ARID1B: variants seen among roughly 807,000 people sequenced by gnomAD.
ARID1B encodes AT-rich interaction domain 1B, also known as AT-rich interactive domain-containing protein 1B.
Under a neutral mutation model 212.3 loss-of-function variants are expected in ARID1B, and 30 were observed. The ratio of observed to expected loss-of-function variants is 0.14; its 90% CI spans 0.11 to 0.19. The LOEUF (loss-of-function observed/expected upper bound fraction) is 0.19. ARID1B is among the 10% of genes least tolerant of loss of function. The probability of loss-of-function intolerance (pLI) is 1.00; values close to 1 mark genes in which losing one functional copy is unlikely to be tolerated. For missense variants in ARID1B, 2,891 were observed against 3,204.0 expected, an observed-to-expected ratio of 0.90 and a Z score of 2.36; for synonymous variants, 1,402 against 1,301.7, an observed-to-expected ratio of 1.08 and a Z score of -1.66.
chr6:157,055,687 A>C (rs1325340087), intron 4 of ARID1B, among the ~76,000 whole-genome samples: 1 of 152,158 alleles, frequency 6.6e-6, no homozygotes, highest in Non-Finnish European at 1.5e-5. Flanking sequence ...ATTCTTCCTG[A>C]GTATCTCACA....
intron 2 of ARID1B, among the ~76,000 whole-genome samples, chr6:156,897,261 CTTCTTATTATTATTA>C (rs1254000564): frequency 2.2e-5 from 2 of 92,730 alleles, no homozygotes; most frequent in Admixed American, 1.1e-4. Context: ...TCTTCTTCTT[CTTCTTATTATTATTA>C]TTATTATTAT....
At chr6:156,957,791 G>A (rs762090390) in intron 4 of ARID1B, among the ~76,000 whole-genome samples, 1 of 152,110 alleles carries the variant, frequency 6.6e-6, no homozygotes, top group African/African-American at 2.4e-5. Context: ...TTTAAGGCTG[G>A]TATCCTCATT....
At chr6:157,149,076 C>T in intron 8 of ARID1B, 125 bp downstream of exon 8, 1 of 1,015,552 alleles carries the variant, frequency 9.8e-7, no homozygotes. Flanking sequence ...CTGTGCTTGG[C>T]CGTTCTTTTT....
At chr6:157,106,481 C>T (rs907254542) in intron 5 of ARID1B, among the ~76,000 whole-genome samples, 1 of 152,176 alleles carries the variant, frequency 6.6e-6, no homozygotes, top group Non-Finnish European at 1.5e-5. Flanking sequence ...GGAGGCCTCT[C>T]GTTCTTGCCT....
chr6:156,779,629 C>T (rs1779058877), intron 1 of ARID1B, 158 bp downstream of exon 1: 2 of 709,436 alleles, frequency 2.8e-6, no homozygotes, highest in African/African-American at 1.9e-5. Context: ...CCTCCCGCCG[C>T]GGTCGGGGCG....
At chr6:156,931,162 G>T (rs927945588) in intron 3 of ARID1B, among the ~76,000 whole-genome samples, 4 of 127,094 alleles carry the variant, frequency 3.1e-5, no homozygotes, top group Non-Finnish European at 6.2e-5. Context: ...CTGCACTACA[G>T]CCTGGACTAC....
In ARID1B at chr6:156,927,445, A is replaced by G. The variant is rs575754144; in HGVS notation, c.2137-8021A>G. Among the ~76,000 whole-genome samples, 20 of 152,206 alleles carry G rather than the reference A, an allele frequency of 1.3e-4. No homozygotes were observed. In the South Asian group the frequency reaches 3.5e-3, roughly 27 times the overall value. On this transcript the variant is annotated intron_variant, in intron 3 of 19. Transcript: ENST00000636930. ...ATCTGCAGGTTTTGTCAAACTCATC[A>G]TTTTTTGGGAGGTGGGATATTTTAT...
Position 157,011,993 on chromosome 6 carries a change from G to A in ARID1B, c.2248-72669G>A, listed in dbSNP as rs73581913. Among the ~76,000 whole-genome samples the A allele has an allele frequency of 7.4e-3, 1,122 of 152,308 alleles. 20 individuals are homozygous for A. The highest frequency in any genetic ancestry group is 0.025 in the African/African-American group (1,041 of 41,564). ...AGCTCATCTATAAAGAAATAGACTGGCAGTAACACCATGGAACTCAGAAGA... is the reference window on the plus strand; with the variant it reads ...AGCTCATCTATAAAGAAATAGACTGACAGTAACACCATGGAACTCAGAAGA... On this transcript the variant is annotated intron_variant, in intron 4 of 19. Coordinates refer to ENST00000636930, the MANE Select transcript of ARID1B (RefSeq NM_001374828.1).
chr6:157,098,960 GTTTATTTTT>G (rs1371420831), intron 5 of ARID1B, among the ~76,000 whole-genome samples: 1 of 152,090 alleles, frequency 6.6e-6, no homozygotes, highest in African/African-American at 2.4e-5. Context: ...TATGACTCCA[GTTTATTTTT>G]TTTATTTTTT....
chr6:156,948,655 GT>G (rs1459165082), intron 4 of ARID1B, among the ~76,000 whole-genome samples: 1 of 152,142 alleles, frequency 6.6e-6, no homozygotes, highest in African/African-American at 2.4e-5. Flanking sequence ...GAAAAATTCA[GT>G]TATGTTTAGT....
chr6:157,147,919 G>A (rs1452772753), intron 7 of ARID1B, among the ~76,000 whole-genome samples: 1 of 19,208 alleles, frequency 5.2e-5, no homozygotes, highest in Non-Finnish European at 9.8e-5. Context: ...CTGCCCGCCC[G>A]CCCTCACCCT....
At chr6:157,041,258 C>G (rs1781854486) in intron 4 of ARID1B, among the ~76,000 whole-genome samples, 1 of 152,152 alleles carries the variant, frequency 6.6e-6, no homozygotes. Flanking sequence ...ACTAAAGCTG[C>G]TGTTGATAAT....
chr6:156,901,460 C>T lies in ARID1B; in HGVS notation c.2071C>T (p.Pro691Ser), dbSNP rs1472455375. ...ATATTACAGCCAGCAGCCGCAGCCC[C>T]CGCACCTCCCACCCCAGGCGCAGTA... ...QPYYSQQPQP[P>S]HLPPQAQYLP... Residue 691 changes from proline (P) to serine (S), a missense_variant, in exon 3 of 20, where the codon CCG becomes TCG. By Grantham distance (74) the Pro-to-Ser change is moderately conservative (BLOSUM62 -1). Coordinates refer to ENST00000636930, the MANE Select transcript of ARID1B (RefSeq NM_001374828.1). 2 of 1,614,036 alleles carry T rather than the reference C, an allele frequency of 1.2e-6. No homozygotes were observed. The highest frequency in any genetic ancestry group is 1.7e-6 in the Non-Finnish European group (2 of 1,180,058).
At chr6:156,835,350 T>C (rs967996981) in intron 2 of ARID1B, among the ~76,000 whole-genome samples, 1 of 152,146 alleles carries the variant, frequency 6.6e-6, no homozygotes, top group Non-Finnish European at 1.5e-5. Context: ...ATATTTGAAT[T>C]GTGACATTCT....
At position 156,899,593 on chromosome 6, in the gene ARID1B, C is replaced by T. The variant is rs117771108; in HGVS notation, c.1987-1783C>T. Among the ~76,000 whole-genome samples, 1,050 of 152,108 alleles carry T rather than the reference C, an allele frequency of 6.9e-3. 31 individuals are homozygous for T. Among genetic ancestry groups the T allele is most frequent in the Admixed American group, 0.045 (683 of 15,294 alleles). On this transcript the variant is annotated intron_variant, in intron 2 of 19. Transcript: ENST00000636930. ...TGCTCCAGTGAAGATTTCTTAGCTG[C>T]GCCCACCTATCCTCCTCGCCCCACA...
chr6:156,794,484 C>T (rs533481752), intron 1 of ARID1B, among the ~76,000 whole-genome samples: 6 of 149,144 alleles, frequency 4.0e-5, no homozygotes, highest in African/African-American at 9.8e-5. Context: ...ACATTCTGGG[C>T]GGCTCAAGCA....
chr6:156,856,359 T>G (rs1784931662), intron 2 of ARID1B, among the ~76,000 whole-genome samples: 1 of 152,236 alleles, frequency 6.6e-6, no homozygotes, highest in Non-Finnish European at 1.5e-5. Flanking sequence ...AACCTCCCAC[T>G]GTGTGCCATG....
At chr6:156,794,328 C>T (rs1162601961) in intron 1 of ARID1B, among the ~76,000 whole-genome samples, 1 of 151,940 alleles carries the variant, frequency 6.6e-6, no homozygotes, top group African/African-American at 2.4e-5. Context: ...TAGCTCACTG[C>T]AACCTTGAAT....
In ARID1B at chr6:157,084,646, T is replaced by C; in HGVS notation, c.2248-16T>C. ...CCAAACGTGTCACTCTATAAATACA[T>C]CTTTTCCTTTCTTAGGATCTGTCTG... On this transcript the variant is annotated splice_polypyrimidine_tract_variant and intron_variant, in intron 4 of 19. Transcript: ENST00000636930. 1 of 1,613,114 alleles carries C rather than the reference T, an allele frequency of 6.2e-7. No individual in the cohort carries two copies. The highest frequency in any genetic ancestry group is 8.5e-7 in the Non-Finnish European group (1 of 1,179,348).
Sources: allele counts gnomAD v4.1 joint callset (sites outside exome capture counted in the v4.1 genomes callset), GRCh38; gene constraint gnomAD v4.1.1; transcripts MANE v1.5; gene names NCBI Gene and HGNC (gene_info 2026-07-23, HGNC 2026-07-21).